Variants in NUP93 observed in about 807,000 individuals in gnomAD.
NUP93 encodes nuclear pore complex protein Nup93.
Under a neutral mutation model 107.8 loss-of-function variants are expected in NUP93, and 55 were observed. That is an observed-to-expected ratio of 0.51 (90% CI 0.41 to 0.64). The LOEUF (loss-of-function observed/expected upper bound fraction) is 0.64, where lower values mean the gene tolerates loss of function less well. Ranked by LOEUF, NUP93 falls within the 30% of genes least tolerant of loss-of-function variation. NUP93 has a pLI of 0.00. For synonymous variants in NUP93, 390 were observed against 397.5 expected (o/e 0.98, Z 0.22); for missense variants, 937 against 1,044.7 (o/e 0.90, Z 1.42).
chr16:56,781,728 G>T (rs544023573), intron 3 of NUP93: 1 of 649,350 alleles, frequency 1.5e-6, no homozygotes, highest in African/African-American at 2.0e-5. Flanking sequence ...GGGAAAAAAA[G>T]TATCATAGCA....
intron 3 of NUP93, among the ~76,000 whole-genome samples, chr16:56,797,241 G>A (rs1351336470): frequency 6.6e-6 from 1 of 152,240 alleles, no homozygotes; most frequent in African/African-American, 2.4e-5. Flanking sequence ...CTGCACTCCA[G>A]CCTGGGTGAC....
In NUP93 at chr16:56,827,069, A is replaced by AAAAAAAAAAAAT. The variant is rs1430722800; in HGVS notation, c.795-1908_795-1907insAAAAAAAAAAAT. Reference sequence around the variant, plus strand: ...CAAAAAAAAAAAAAAAAAAAAAAAAATTTTGTTGAGTCTGTTTCCTGTTAT... The same window carrying AAAAAAAAAAAAT: ...CAAAAAAAAAAAAAAAAAAAAAAAAAAAAAAAAAAAATTTTTGTTGAGTCTGTTTCCTGTTAT... On this transcript the variant is annotated intron_variant, in intron 8 of 21. Transcript: ENST00000308159. Among the ~76,000 whole-genome samples the AAAAAAAAAAAAT allele has an allele frequency of 5.7e-4, 72 of 125,568 alleles. 1 individual carries two copies. Among genetic ancestry groups the AAAAAAAAAAAAT allele is most frequent in the Admixed American group, 1.0e-3 (11 of 10,576 alleles). The allele number at this position is 125,568 out of a possible 152,430, so 82.4% of individuals were successfully genotyped here.
At chr16:56,760,341 G>A (rs1466668618) in intron 3 of NUP93, among the ~76,000 whole-genome samples, 2 of 152,116 alleles carry the variant, frequency 1.3e-5, no homozygotes, top group African/African-American at 4.8e-5. Flanking sequence ...CAGCCTGGAC[G>A]ACATAGTGAT....
At chr16:56,758,349 T>C (rs1962064382) in intron 2 of NUP93, among the ~76,000 whole-genome samples, 189 bp from the exon 3 acceptor site, 1 of 152,192 alleles carries the variant, frequency 6.6e-6, no homozygotes, top group South Asian at 2.1e-4. Flanking sequence ...CAAAGTACAG[T>C]GTTATGGCTC....
At chr16:56,801,557 C>T (rs556104181) in intron 4 of NUP93, among the ~76,000 whole-genome samples, 5 of 152,208 alleles carry the variant, frequency 3.3e-5, no homozygotes, top group Admixed American at 1.3e-4. Flanking sequence ...GGATTACAGG[C>T]GTCTGCCACC....
Position 56,829,029 on chromosome 16 carries a change from C to G in NUP93, c.847C>G (p.Leu283Val), listed in dbSNP as rs1963725867. 1.9e-6 allele frequency: 3 copies of G among 1,613,798 alleles called. No homozygotes were observed. The East Asian group carries it at 6.7e-5, about 36-fold the overall frequency. The change falls in exon 9 of 22, where the codon CTG becomes GTG. Residue 283 changes from leucine to valine, a missense_variant. Leu to Val is a conservative substitution (Grantham distance 32, BLOSUM62 1). Coordinates refer to ENST00000308159, the MANE Select transcript of NUP93 (RefSeq NM_014669.5). ...TVFGNLHQAQ[L>V]GGVPGTYQLV... ...CTTTGGAAATTTGCATCAGGCCCAG[C>G]TGGGCGGGGTGCCTGGGACTTACCA...
chr16:56,821,421 T>C, intron 6 of NUP93, 83 bp from the exon 7 acceptor site: 1 of 924,752 alleles, frequency 1.1e-6, no homozygotes, highest in East Asian at 2.5e-5. Flanking sequence ...CCGAAGCTTC[T>C]GCCGGCCATT....
chr16:56,823,670 C>T, intron 7 of NUP93, 37 bp from the exon 8 acceptor site: 2 of 1,609,060 alleles, frequency 1.2e-6, no homozygotes, highest in Non-Finnish European at 1.7e-6. Flanking sequence ...TTCTCTGGCC[C>T]TGCAGCATTG....
chr16:56,784,580 C>T (rs1209839757), intron 3 of NUP93, among the ~76,000 whole-genome samples: 1 of 152,138 alleles, frequency 6.6e-6, no homozygotes, highest in Admixed American at 6.5e-5. Flanking sequence ...TATACTGTTA[C>T]TAAGAGGAAA....
intron 3 of NUP93, among the ~76,000 whole-genome samples, chr16:56,772,739 C>T (rs1014485266): frequency 1.3e-5 from 2 of 152,262 alleles, no homozygotes; most frequent in African/African-American, 4.8e-5. Context: ...TGCTCATGTT[C>T]TGCTCTTGTA....
rs145723680 is a variant in NUP93 at position 56,802,536 on chromosome 16, A to T, written c.361-2968A>T. On this transcript the variant is annotated intron_variant, in intron 4 of 21. Coordinates refer to ENST00000308159, the MANE Select transcript of NUP93 (RefSeq NM_014669.5). ...ATCATTTCTCCTGTGTCTGCAGAAT[A>T]TGTATTAGAAAAGGGTCCAGCAACG... Among the ~76,000 whole-genome samples the T allele has an allele frequency of 5.2e-3, 785 of 152,048 alleles. 4 individuals carry two copies. Among genetic ancestry groups the T allele is most frequent in the Middle Eastern group, 0.051 (15 of 294 alleles).
intron 1 of NUP93, among the ~76,000 whole-genome samples, chr16:56,739,504 C>A (rs112654231): frequency 2.1e-4 from 7 of 33,168 alleles, no homozygotes; most frequent in African/African-American, 6.1e-4. Context: ...CCGGACGGGG[C>A]GGCTGGCCGG....
At chr16:56,779,328 ATTTG>A (rs1221099637) in intron 3 of NUP93, among the ~76,000 whole-genome samples, 2 of 152,182 alleles carry the variant, frequency 1.3e-5, no homozygotes, top group Non-Finnish European at 2.9e-5. Context: ...TAATCTCTAC[ATTTG>A]TTTAAGTGAG....
chr16:56,839,305 A>G, intron 19 of NUP93: 4 of 435,494 alleles, frequency 9.2e-6, no homozygotes, highest in Non-Finnish European at 1.6e-5. Context: ...AAGTTTCTCA[A>G]AGTAATTTGC....
intron 20 of NUP93, among the ~76,000 whole-genome samples, chr16:56,840,767 G>C (rs1432856939): frequency 6.6e-6 from 1 of 152,090 alleles, no homozygotes; most frequent in African/African-American, 2.4e-5. Flanking sequence ...AGGCTGAGGC[G>C]GACTGATCAC....
intron 2 of NUP93, among the ~76,000 whole-genome samples, chr16:56,755,555 T>A (rs1410807065): frequency 6.6e-6 from 1 of 152,020 alleles, no homozygotes; most frequent in East Asian, 1.9e-4. Context: ...TAGTGATGAT[T>A]GTACAATTTT....
intron 5 of NUP93, among the ~76,000 whole-genome samples, chr16:56,812,775 C>A (rs1240430953): frequency 6.6e-6 from 1 of 152,194 alleles, no homozygotes; most frequent in African/African-American, 2.4e-5. Flanking sequence ...AAGATTGTTA[C>A]TAACTCTTTA....
chr16:56,821,483 C>A, intron 6 of NUP93, 21 bp from the exon 7 acceptor site: 1 of 1,506,236 alleles, frequency 6.6e-7, no homozygotes, highest in Non-Finnish European at 9.2e-7. Flanking sequence ...TTGCCATTTA[C>A]TTTGCTTTTT....
chr16:56,764,398 G>C (rs1479940714), intron 3 of NUP93, among the ~76,000 whole-genome samples: 3 of 152,152 alleles, frequency 2.0e-5, no homozygotes, highest in African/African-American at 7.2e-5. Flanking sequence ...GTTAAGACAG[G>C]AGAATCACTT....
Sources: gnomAD v4.1 joint callset for allele counts (sites outside exome capture counted in the v4.1 genomes callset) on GRCh38, gnomAD v4.1.1 for gene constraint, MANE v1.5 for transcripts, NCBI Gene and HGNC (gene_info 2026-07-23, HGNC 2026-07-21) for gene names.